Variants in PCDH15 observed in about 807,000 individuals in gnomAD.
PCDH15 encodes protocadherin related 15, also known as protocadherin-15.
In PCDH15, 129 loss-of-function variants were observed where a neutral mutation model predicts 178.5. The ratio of observed to expected loss-of-function variants is 0.72; its 90% confidence interval spans 0.63 to 0.84. The LOEUF (loss-of-function observed/expected upper bound fraction) is 0.84, where lower values mean the gene tolerates loss of function less well. Among genes scored for constraint, PCDH15 ranks in the 40% least tolerant of loss-of-function variants. PCDH15 has a pLI of 0.00. For missense variants in PCDH15, 2,230 were observed against 2,099.9 expected (o/e 1.06, Z -1.21); for synonymous variants, 800 against 732.0 (o/e 1.09, Z -1.50).
At chr10:54,406,356 T>A (rs1482154028) in intron 3 of PCDH15, among the ~76,000 whole-genome samples, 1 of 152,070 alleles carries the variant, frequency 6.6e-6, no homozygotes, top group Non-Finnish European at 1.5e-5. Flanking sequence ...AATAAATAAA[T>A]GGACTAGAAT....
intron 2 of PCDH15, among the ~76,000 whole-genome samples, chr10:55,407,464 A>G (rs1838226334): frequency 6.6e-6 from 1 of 152,170 alleles, no homozygotes; most frequent in African/African-American, 2.4e-5. Flanking sequence ...TCACAAGATG[A>G]GAATTGCTTG....
At chr10:54,554,161 G>C (rs1024928265) in intron 2 of PCDH15, among the ~76,000 whole-genome samples, 1 of 151,938 alleles carries the variant, frequency 6.6e-6, no homozygotes, top group Non-Finnish European at 1.5e-5. Flanking sequence ...CCCTGTCTTT[G>C]TTTACTCAAT....
chr10:55,189,394 C>T (rs1330888820), intron 1 of PCDH15, among the ~76,000 whole-genome samples: 3 of 151,790 alleles, frequency 2.0e-5, no homozygotes, highest in South Asian at 2.1e-4. Context: ...AATGAAAATC[C>T]TTCTCTCTTT....
intron 8 of PCDH15, among the ~76,000 whole-genome samples, chr10:54,266,894 A>G (rs1346567717): frequency 6.6e-6 from 1 of 151,960 alleles, no homozygotes; most frequent in East Asian, 1.9e-4. Flanking sequence ...CTATTCCAAA[A>G]AATCGAGGAT....
At chr10:54,912,319 T>C (rs1954831830) in intron 2 of PCDH15, among the ~76,000 whole-genome samples, 1 of 152,102 alleles carries the variant, frequency 6.6e-6, no homozygotes, top group Admixed American at 6.6e-5. Context: ...AAATTGTAAT[T>C]TCCAGTGTTG....
At chr10:54,171,764 T>C (rs1361693800) in intron 13 of PCDH15, among the ~76,000 whole-genome samples, 3 of 152,080 alleles carry the variant, frequency 2.0e-5, no homozygotes, top group African/African-American at 4.8e-5. Flanking sequence ...TTTCTCCTTC[T>C]GTTATTCCAT....
intron 2 of PCDH15, among the ~76,000 whole-genome samples, chr10:55,459,025 AT>A (rs1839612965): frequency 6.6e-6 from 1 of 151,970 alleles, no homozygotes; most frequent in Non-Finnish European, 1.5e-5. Context: ...CTCCTGCAGA[AT>A]GAGGATGCAC....
rs1199410158 is a variant in PCDH15, at chr10:54,485,098, A to G, written c.157+42714T>C. 2.0e-5 allele frequency among the ~76,000 whole-genome samples: 3 copies of G among 151,882 alleles called. No individual in the cohort carries two copies. The East Asian group carries it at 5.8e-4, about 29-fold the overall frequency. On this transcript the variant is annotated intron_variant, in intron 3 of 37. Transcript: ENST00000644397. ...GGCAGGGATTGTGAAATTCCACAAT[A>G]TGAGAACACTTATTTTCTTCTTTTC...
chr10:54,892,516 C>G (rs1424425466), intron 3 of PCDH15, among the ~76,000 whole-genome samples: 1 of 150,246 alleles, frequency 6.7e-6, no homozygotes, highest in African/African-American at 2.4e-5. Flanking sequence ...AAAGAGTAAC[C>G]AATAATTAAA....
intron 8 of PCDH15, among the ~76,000 whole-genome samples, chr10:54,264,549 G>T (rs976309041): frequency 6.6e-6 from 1 of 152,076 alleles, no homozygotes; most frequent in Non-Finnish European, 1.5e-5. Context: ...AGACAACATA[G>T]CTATATTAAG....
intron 17 of PCDH15, among the ~76,000 whole-genome samples, chr10:54,076,274 T>C (rs920805589): frequency 7.2e-5 from 11 of 152,138 alleles, no homozygotes; most frequent in African/African-American, 2.7e-4. Context: ...TCTATGAAAA[T>C]GCAAATGATT....
chr10:54,903,943 A>G (rs1954679924), intron 2 of PCDH15, among the ~76,000 whole-genome samples: 1 of 152,120 alleles, frequency 6.6e-6, no homozygotes, highest in African/African-American at 2.4e-5. Flanking sequence ...TGAGCCATTT[A>G]TTCTGAGTGC....
At chr10:55,260,399 G>C (rs1489842057) in intron 1 of PCDH15, among the ~76,000 whole-genome samples, 3 of 152,068 alleles carry the variant, frequency 2.0e-5, no homozygotes, top group Non-Finnish European at 4.4e-5. Flanking sequence ...AGCAAAAAAA[G>C]AGATTACCTA....
At chr10:54,471,838 T>C (rs2136700923) in intron 3 of PCDH15, among the ~76,000 whole-genome samples, 1 of 152,232 alleles carries the variant, frequency 6.6e-6, no homozygotes, top group Non-Finnish European at 1.5e-5. Flanking sequence ...TTTTGGTAAA[T>C]ACTGCAAAAT....
intron 2 of PCDH15, among the ~76,000 whole-genome samples, chr10:55,589,678 A>G (rs1257170055): frequency 2.0e-5 from 3 of 152,026 alleles, no homozygotes; most frequent in African/African-American, 7.3e-5. Context: ...TTCTCAAAAG[A>G]AGACATTTAT....
chr10:55,561,458 G>A (rs1334587039), intron 2 of PCDH15, among the ~76,000 whole-genome samples: 1 of 151,812 alleles, frequency 6.6e-6, no homozygotes, highest in Non-Finnish European at 1.5e-5. Flanking sequence ...GAACATGATA[G>A]GACAATAAAA....
chr10:54,949,017 A>G (rs1838263709), intron 2 of PCDH15, among the ~76,000 whole-genome samples: 1 of 151,904 alleles, frequency 6.6e-6, no homozygotes, highest in African/African-American at 2.4e-5. Context: ...AATATCAGAT[A>G]TTTACTAATA....
intron 28 of PCDH15, among the ~76,000 whole-genome samples, chr10:53,854,108 G>A (rs577521180): frequency 1.6e-4 from 24 of 152,076 alleles, no homozygotes; most frequent in Non-Finnish European, 2.2e-4. Flanking sequence ...ATGCTAAGCT[G>A]TAACATGGAT....
At chr10:55,393,134 GC>G (rs1837840197) in intron 2 of PCDH15, among the ~76,000 whole-genome samples, 2 of 151,984 alleles carry the variant, frequency 1.3e-5, no homozygotes, top group Admixed American at 6.6e-5. Flanking sequence ...ATAACTTGGG[GC>G]TTTAAATATA....
Sources: gnomAD v4.1 joint callset for allele counts (sites outside exome capture counted in the v4.1 genomes callset) on GRCh38, gnomAD v4.1.1 for gene constraint, MANE v1.5 for transcripts, NCBI Gene and HGNC (gene_info 2026-07-23, HGNC 2026-07-21) for gene names.